VEGFC: variants seen among roughly 807,000 people sequenced by gnomAD.
The protein encoded by VEGFC is FLT4 ligand DHM.
In VEGFC, 12 loss-of-function variants were observed where a neutral mutation model predicts 46.1. The observed-to-expected ratio is 0.26, with a 90% CI of 0.17 to 0.42. The LOEUF is 0.42. Ranked by LOEUF, VEGFC falls within the 10% of genes least tolerant of loss-of-function variation. The pLI is 1.00. For missense variants in VEGFC, 488 were observed against 529.4 expected, an observed-to-expected ratio of 0.92 and a Z score of 0.77; for synonymous variants, 232 against 195.5, an observed-to-expected ratio of 1.19 and a Z score of -1.56.
At chr4:176,741,549 C>T (rs1314180582) in intron 1 of VEGFC, among the ~76,000 whole-genome samples, 1 of 151,826 alleles carries the variant, frequency 6.6e-6, no homozygotes, top group African/African-American at 2.4e-5. Flanking sequence ...TAATTTTAAA[C>T]GGAGTACACA....
At chr4:176,766,049 G>T (rs1735617453) in intron 1 of VEGFC, among the ~76,000 whole-genome samples, 1 of 151,876 alleles carries the variant, frequency 6.6e-6, no homozygotes, top group African/African-American at 2.4e-5. Context: ...AATATCCTTT[G>T]CCATAGCTTC....
chr4:176,790,406 A>G (rs1365279918), intron 1 of VEGFC, among the ~76,000 whole-genome samples: 1 of 152,246 alleles, frequency 6.6e-6, no homozygotes, highest in South Asian at 2.1e-4. Context: ...TGATTTTCAC[A>G]GCAATGGTAA....
At chr4:176,735,764 C>T (rs749946073) in intron 1 of VEGFC, among the ~76,000 whole-genome samples, 53 of 151,894 alleles carry the variant, frequency 3.5e-4, no homozygotes, top group Non-Finnish European at 6.5e-4. Flanking sequence ...GCCATGGGAC[C>T]ACATAACATC....
intron 1 of VEGFC, among the ~76,000 whole-genome samples, chr4:176,745,647 T>C (rs753851068): frequency 3.3e-5 from 5 of 152,084 alleles, no homozygotes; most frequent in South Asian, 2.1e-4. Flanking sequence ...GGGACCTGCT[T>C]GGGTCTGTCC....
At chr4:176,783,449 A>G (rs2110948603) in intron 1 of VEGFC, among the ~76,000 whole-genome samples, 1 of 152,350 alleles carries the variant, frequency 6.6e-6, no homozygotes, top group African/African-American at 2.4e-5. Context: ...ATATTTACAC[A>G]TCAAAGTAGC....
At position 176,707,142 on chromosome 4, in the gene VEGFC, C is replaced by G. The variant is rs1734548782; in HGVS notation, c.704+4357G>C. Among the ~76,000 whole-genome samples the G allele has an allele frequency of 2.0e-5, 3 of 152,166 alleles. No homozygotes were observed. In the South Asian group the frequency reaches 6.2e-4, roughly 32 times the overall value. Reference sequence around the variant, plus strand: ...AAGATGTGTTAATCCACTCATCTTTCATGGGCATTTGAGTTGTTTCCAGTT... The same window carrying G: ...AAGATGTGTTAATCCACTCATCTTTGATGGGCATTTGAGTTGTTTCCAGTT... On this transcript the variant is annotated intron_variant, in intron 4 of 6. Transcript: ENST00000618562.
chr4:176,740,758 A>G (rs1735157996), intron 1 of VEGFC, among the ~76,000 whole-genome samples: 1 of 151,642 alleles, frequency 6.6e-6, no homozygotes, highest in Non-Finnish European at 1.5e-5. Context: ...AAATATTCCA[A>G]AAACGTCCTA....
chr4:176,727,514 T>C (rs1642962156), intron 3 of VEGFC, among the ~76,000 whole-genome samples: 1 of 152,100 alleles, frequency 6.6e-6, no homozygotes, highest in African/African-American at 2.4e-5. Flanking sequence ...TACATACGTA[T>C]ATTTATTGTT....
At chr4:176,787,670 G>A (rs1736026279) in intron 1 of VEGFC, among the ~76,000 whole-genome samples, 2 of 151,576 alleles carry the variant, frequency 1.3e-5, no homozygotes, top group East Asian at 3.9e-4. Context: ...AATAAAAACA[G>A]TCTCTGCTTT....
At chr4:176,751,795 G>C (rs1735346365) in intron 1 of VEGFC, among the ~76,000 whole-genome samples, 1 of 151,872 alleles carries the variant, frequency 6.6e-6, no homozygotes, top group African/African-American at 2.4e-5. Flanking sequence ...GTGGAGGAAG[G>C]GGAATGAGAT....
chr4:176,741,164 G>A (rs576942471), intron 1 of VEGFC, among the ~76,000 whole-genome samples: 57 of 152,012 alleles, frequency 3.7e-4, no homozygotes, highest in Middle Eastern at 3.4e-3. Context: ...TAGTAGATCG[G>A]AAAGTTATAC....
chr4:176,707,749 A>G (rs529018638), intron 4 of VEGFC, among the ~76,000 whole-genome samples: 2 of 152,104 alleles, frequency 1.3e-5, no homozygotes, highest in Non-Finnish European at 2.9e-5. Context: ...ACACACCCCA[A>G]GTGTTTGCAA....
At position 176,687,189 on chromosome 4, in the gene VEGFC, G is replaced by A. The variant is rs180763238; in HGVS notation, c.1143C>T (p.Cys381=). The part of the protein sequence containing the change: ...LKGKKFHHQT[C]SCYRRPCTNR... The stretch of plus-strand genomic sequence containing the variant: ...TATTCTTCATGAGGATCTCTTACCT[G>A]CATGTTTGGTGGTGGAACTTCTTTC... The change falls in exon 6 of 7, where the codon TGC becomes TGT. Residue 381 remains cysteine (C), a splice_region_variant and synonymous_variant. Transcript: ENST00000618562. The A allele has an allele frequency of 1.9e-6, 3 of 1,609,638 alleles. No homozygotes were observed. The highest frequency in any genetic ancestry group is 2.2e-5 in the East Asian group (1 of 44,834).
Position 176,727,904 on chromosome 4 carries a change from C to T in VEGFC, c.426G>A (p.Lys142=), listed in dbSNP as rs867744061. 1.2e-6 allele frequency: 2 copies of T among 1,613,854 alleles called. No individual in the cohort carries two copies. Among genetic ancestry groups the T allele is most frequent in the Middle Eastern group, 3.3e-4 (2 of 6,060 alleles). Residue 142 remains lysine, a synonymous_variant, in exon 3 of 7, where the codon AAG becomes AAA. Transcript: ENST00000618562. ...AGGTGTTTGTCGCGACTCCAAACTC[C>T]TTCCCCACATCTATACACACCTCCC... is the stretch of plus-strand genomic sequence containing the variant. ...MPREVCIDVG[K]EFGVATNTFF...
intron 1 of VEGFC, among the ~76,000 whole-genome samples, chr4:176,765,550 ATTTT>A (rs779746169): frequency 1.5e-5 from 2 of 131,504 alleles, no homozygotes; most frequent in Admixed American, 7.9e-5. Context: ...CAAAGACAGA[ATTTT>A]TTTTTTTTTT....
At chr4:176,711,771 G>A (rs1359296995) in intron 3 of VEGFC, 121 bp from the exon 4 acceptor site, 10 of 886,040 alleles carry the variant, frequency 1.1e-5, no homozygotes, top group Middle Eastern at 2.7e-4. Flanking sequence ...CCTAGTGTAC[G>A]CAGGACGCTA....
chr4:176,742,232 A>G lies in VEGFC; in HGVS notation c.148-12486T>C, dbSNP rs555027807. On this transcript the variant is annotated intron_variant, in intron 1 of 6. Coordinates refer to ENST00000618562, the MANE Select transcript of VEGFC (RefSeq NM_005429.5). Reference sequence around the variant, plus strand: ...TAATTCACTTAGGAAAACGGCCTCCAGCAGAGTCCATGTTGCTGCAAAGCA... The same window carrying G: ...TAATTCACTTAGGAAAACGGCCTCCGGCAGAGTCCATGTTGCTGCAAAGCA... Among the ~76,000 whole-genome samples the G allele has an allele frequency of 3.3e-5, 5 of 152,228 alleles. No homozygotes were observed. In the East Asian group the frequency reaches 9.7e-4, roughly 29 times the overall value.
chr4:176,738,131 A>C (rs2111027690), intron 1 of VEGFC, among the ~76,000 whole-genome samples: 1 of 152,172 alleles, frequency 6.6e-6, no homozygotes, highest in Non-Finnish European at 1.5e-5. Flanking sequence ...TACTGCCCAA[A>C]GTAATTGATA....
chr4:176,725,922 T>G (rs62328299), intron 3 of VEGFC, among the ~76,000 whole-genome samples: 524 of 152,214 alleles, frequency 3.4e-3, no homozygotes, highest in Non-Finnish European at 5.5e-3. Flanking sequence ...TCTATTTAAT[T>G]TATTTTAAAG....
Sources: gnomAD v4.1 joint callset for allele counts (sites outside exome capture counted in the v4.1 genomes callset) on GRCh38, gnomAD v4.1.1 for gene constraint, MANE v1.5 for transcripts, NCBI Gene and HGNC (gene_info 2026-07-23, HGNC 2026-07-21) for gene names.